PPA2: variants seen among roughly 807,000 people sequenced by gnomAD.
The protein encoded by PPA2 is inorganic pyrophosphatase 2, also known as inorganic pyrophosphatase 2, mitochondrial.
Under a neutral mutation model 49.5 loss-of-function variants are expected in PPA2, and 48 were observed. The ratio of observed to expected loss-of-function variants is 0.97; its 90% CI spans 0.77 to 1.23. The LOEUF (loss-of-function observed/expected upper bound fraction) is 1.23, where lower values mean the gene tolerates loss of function less well. Among genes scored for constraint, PPA2 ranks in the 50% most tolerant of loss-of-function variants. PPA2 has a pLI of 0.00. For missense variants in PPA2, 429 were observed against 410.1 expected (o/e 1.05, Z -0.40); for synonymous variants, 131 against 139.9 (o/e 0.94, Z 0.45).
At position 105,454,497 on chromosome 4, in the gene PPA2, A is replaced by AT. The variant is rs908573155; in HGVS notation, c.223-856dup. Among the ~76,000 whole-genome samples, 375 of 150,990 alleles carry AT rather than the reference A, an allele frequency of 2.5e-3. 3 individuals carry two copies. The highest frequency in any genetic ancestry group is 8.7e-3 in the African/African-American group (358 of 41,156). On this transcript the variant is annotated intron_variant, in intron 2 of 11. Coordinates refer to ENST00000341695, the MANE Select transcript of PPA2 (RefSeq NM_176869.3). ...AGGCGCCCGCTACCAGGCCTGGCTA[A>AT]TTTTTTTTTGTATTTTTAGTAGAGA...
intron 11 of PPA2, chr4:105,370,530 T>A (rs1325605272): frequency 7.9e-6 from 7 of 880,646 alleles, no homozygotes; most frequent in South Asian, 1.0e-4. Flanking sequence ...AGTTTTTTTT[T>A]AATTAAATCT....
chr4:105,388,120 C>A (rs544407709), intron 9 of PPA2, among the ~76,000 whole-genome samples: 126 of 152,108 alleles, frequency 8.3e-4, no homozygotes, highest in Non-Finnish European at 1.6e-3. Context: ...ACATAACAAC[C>A]AATTACATTT....
intron 1 of PPA2, among the ~76,000 whole-genome samples, chr4:105,458,989 C>A (rs996872112): frequency 6.6e-6 from 1 of 151,974 alleles, no homozygotes; most frequent in Non-Finnish European, 1.5e-5. Context: ...TTCTGTTATG[C>A]TTTCTACTGG....
chr4:105,370,541 T>C (rs1732980495), intron 11 of PPA2: 2 of 927,794 alleles, frequency 2.2e-6, no homozygotes, highest in Non-Finnish European at 2.6e-6. Flanking sequence ...AATTAAATCT[T>C]TTAAAATTAA....
chr4:105,408,793 A>G (rs950823241), intron 7 of PPA2, among the ~76,000 whole-genome samples: 1 of 152,256 alleles, frequency 6.6e-6, no homozygotes, highest in African/African-American at 2.4e-5. Context: ...GATATACAAG[A>G]TATAAAAGAT....
intron 10 of PPA2, among the ~76,000 whole-genome samples, chr4:105,383,397 T>G (rs1029540626): frequency 1.3e-5 from 2 of 152,218 alleles, no homozygotes; most frequent in East Asian, 3.8e-4. Flanking sequence ...TATTTTATTT[T>G]TCTTGGATTT....
chr4:105,415,781 A>G (rs957851291), intron 7 of PPA2, among the ~76,000 whole-genome samples: 1 of 152,240 alleles, frequency 6.6e-6, no homozygotes, highest in Non-Finnish European at 1.5e-5. Flanking sequence ...CACTGCTGCC[A>G]ACAATAGTAT....
chr4:105,442,923 T>C (rs888245158), intron 5 of PPA2, among the ~76,000 whole-genome samples: 1 of 152,166 alleles, frequency 6.6e-6, no homozygotes, highest in Admixed American at 6.5e-5. Flanking sequence ...GTGACACACA[T>C]ACACAATGCA....
intron 10 of PPA2, among the ~76,000 whole-genome samples, chr4:105,378,435 C>G (rs982998006): frequency 5.9e-5 from 9 of 152,044 alleles, no homozygotes; most frequent in Non-Finnish European, 1.3e-4. Context: ...TTTTTAAAAA[C>G]TGAATGTTTT....
chr4:105,417,612 G>A (rs577888497), intron 7 of PPA2, among the ~76,000 whole-genome samples: 2 of 150,274 alleles, frequency 1.3e-5, no homozygotes, highest in South Asian at 2.1e-4. Context: ...GCAGGTTCTC[G>A]GTAATTTAAT....
At chr4:105,474,063 G>C (rs775904288), upstream of PPA2, 7 of 1,543,580 alleles carry the variant, frequency 4.5e-6, no homozygotes, top group East Asian at 4.8e-5. Flanking sequence ...CGTCAATGAC[G>C]GTCCTGCTGT....
chr4:105,370,611 AT>A (rs1732983989), intron 11 of PPA2: 19 of 978,708 alleles, frequency 1.9e-5, no homozygotes, highest in Non-Finnish European at 2.3e-5. Context: ...TCACCGTACA[AT>A]CAAATCATTT....
At chr4:105,411,211 G>A (rs906911562) in intron 7 of PPA2, among the ~76,000 whole-genome samples, 2 of 152,078 alleles carry the variant, frequency 1.3e-5, no homozygotes, top group Non-Finnish European at 2.9e-5. Flanking sequence ...ATAAAGGATG[G>A]AGGAAGATCA....
intron 9 of PPA2, among the ~76,000 whole-genome samples, chr4:105,386,844 A>G (rs1463248831): frequency 1.3e-5 from 2 of 152,146 alleles, no homozygotes; most frequent in Admixed American, 6.5e-5. Context: ...ACAGCAAAGC[A>G]CTCTCCAGAA....
intron 11 of PPA2, 59 bp downstream of exon 11, chr4:105,370,778 A>C: frequency 7.5e-7 from 1 of 1,326,792 alleles, no homozygotes; most frequent in Non-Finnish European, 9.8e-7. Flanking sequence ...TTTGGCTTCC[A>C]CTACTGTAAA....
rs1017467019 is a variant in PPA2, at chr4:105,394,736, A to T, written c.869+1513T>A. On this transcript the variant is annotated intron_variant, in intron 9 of 11. Transcript: ENST00000341695. ...CAGAAGGAATGAGTTCAAGCTATAT[A>T]TATACTAACCAAACAAAGGGTCTCT... is the stretch of plus-strand genomic sequence containing the variant. 3.9e-5 allele frequency among the ~76,000 whole-genome samples: 6 copies of T among 152,318 alleles called. No homozygotes were observed. In the East Asian group the frequency reaches 1.2e-3, roughly 29 times the overall value.
intron 7 of PPA2, 33 bp from the exon 8 acceptor site, chr4:105,399,197 A>G (rs756431426): frequency 3.2e-6 from 5 of 1,569,860 alleles, no homozygotes; most frequent in Non-Finnish European, 3.4e-6. Context: ...ATGTTTTGTT[A>G]AGAACCAAAA....
rs555589234 is a variant in PPA2, at chr4:105,405,860, C to T, written c.656-6696G>A. On this transcript the variant is annotated intron_variant, in intron 7 of 11. Coordinates refer to ENST00000341695, the MANE Select transcript of PPA2 (RefSeq NM_176869.3). ...GCACACAGGAATCCTGATGTGCAGGCAGGTAGGACAGGCTGGAAGTTTGGC... is the reference window on the plus strand; with the variant it reads ...GCACACAGGAATCCTGATGTGCAGGTAGGTAGGACAGGCTGGAAGTTTGGC... 447 of 456,404 alleles carry T rather than the reference C, an allele frequency of 9.8e-4. 8 individuals carry two copies. The highest frequency in any genetic ancestry group is 5.0e-3 in the South Asian group (321 of 64,472). The allele number at this position is 456,404 out of a possible 1,614,324, so 28.3% of individuals were successfully genotyped here. A position where few individuals can be genotyped will look rare whatever the true frequency, so the allele number is the denominator to read the frequency against.
chr4:105,436,734 T>G (rs1724073107), intron 6 of PPA2, among the ~76,000 whole-genome samples: 1 of 152,178 alleles, frequency 6.6e-6, no homozygotes, highest in African/African-American at 2.4e-5. Flanking sequence ...GAGACTCTAT[T>G]CAATAAATGG....
Sources: allele counts gnomAD v4.1 joint callset (sites outside exome capture counted in the v4.1 genomes callset), GRCh38; gene constraint gnomAD v4.1.1; transcripts MANE v1.5; gene names NCBI Gene and HGNC (gene_info 2026-07-23, HGNC 2026-07-21).